The following MEP1A variants were observed in gnomAD, a reference collection of about 807,000 sequenced individuals.
MEP1A encodes meprin A subunit alpha.
In MEP1A, 68 loss-of-function variants were observed where a neutral mutation model predicts 84.5. The ratio of observed to expected loss-of-function variants is 0.80; its 90% CI spans 0.66 to 0.98. The LOEUF is 0.98. MEP1A is among the 50% of genes least tolerant of loss of function. The pLI, the probability that MEP1A is intolerant of heterozygous loss-of-function variation, is 0.00. For synonymous variants in MEP1A, 337 were observed against 336.8 expected, an observed-to-expected ratio of 1.00 and a Z score of -0.01; for missense variants, 887 against 919.9, an observed-to-expected ratio of 0.96 and a Z score of 0.46.
intron 10 of MEP1A, among the ~76,000 whole-genome samples, chr6:46,830,116 C>T (rs137962965): frequency 6.6e-6 from 1 of 151,594 alleles, no homozygotes; most frequent in African/African-American, 2.4e-5. Context: ...GGCATGGTGG[C>T]GCGCGCGCAT....
chr6:46,841,021 T>G (rs982788577), downstream of MEP1A, among the ~76,000 whole-genome samples: 5 of 152,224 alleles, frequency 3.3e-5, no homozygotes, highest in Admixed American at 2.6e-4. Context: ...ATTGTCCTTT[T>G]GTTTTATTAA....
Position 46,839,233 on chromosome 6 carries a change from A to T in MEP1A, c.*97A>T, listed in dbSNP as rs1248864452. The T allele has an allele frequency of 3.0e-5, 20 of 667,166 alleles. No individual in the cohort carries two copies. The highest frequency in any genetic ancestry group is 4.5e-5 in the Non-Finnish European group (19 of 425,488). The allele number at this position is 667,166 out of a possible 1,614,324, so 41.3% of individuals were successfully genotyped here. A position where few individuals can be genotyped will look rare whatever the true frequency, so the allele number is the denominator to read the frequency against. On this transcript the variant is annotated 3_prime_UTR_variant, in exon 14 of 14. Coordinates refer to ENST00000230588, the MANE Select transcript of MEP1A (RefSeq NM_005588.3). ...GCAGTTTTTATCAGCCTTGCTTTGGATAGGACCTCCAAGGACTAAGGCCTC... is the reference window on the plus strand; with the variant it reads ...GCAGTTTTTATCAGCCTTGCTTTGGTTAGGACCTCCAAGGACTAAGGCCTC...
intron 3 of MEP1A, among the ~76,000 whole-genome samples, chr6:46,795,672 T>G (rs1211561773): frequency 1.3e-5 from 2 of 152,180 alleles, no homozygotes. Flanking sequence ...GTCAGCCACC[T>G]CATGTCTGGG....
At chr6:46,798,549 T>C (rs1767118171) in intron 3 of MEP1A, 57 bp from the exon 4 acceptor site, 49 of 1,296,778 alleles carry the variant, frequency 3.8e-5, no homozygotes, top group Non-Finnish European at 5.5e-5. Context: ...TTACGAAAGA[T>C]GCCTTTTAAT....
chr6:46,811,168 T>C (rs746836777), intron 6 of MEP1A, among the ~76,000 whole-genome samples: 2 of 152,170 alleles, frequency 1.3e-5, no homozygotes, highest in Admixed American at 6.5e-5. Flanking sequence ...TAGTTTTCCT[T>C]GCAGTGGTCT....
intron 7 of MEP1A, among the ~76,000 whole-genome samples, chr6:46,822,211 G>T (rs537735227): frequency 6.6e-6 from 1 of 152,116 alleles, no homozygotes; most frequent in Non-Finnish European, 1.5e-5. Context: ...TTTAAGTATT[G>T]TATATGGCTG....
intron 5 of MEP1A, among the ~76,000 whole-genome samples, chr6:46,801,320 T>A (rs555450495): frequency 6.6e-6 from 1 of 152,108 alleles, no homozygotes; most frequent in African/African-American, 2.4e-5. Context: ...ATTTTAGTAG[T>A]TGTAAAATGG....
intron 6 of MEP1A, among the ~76,000 whole-genome samples, chr6:46,818,439 G>A (rs1218574279): frequency 6.6e-6 from 1 of 152,142 alleles, no homozygotes; most frequent in Non-Finnish European, 1.5e-5. Context: ...TTTCTGCTCA[G>A]CATTGGGTAA....
At chr6:46,795,120 C>A (rs1219277008) in intron 3 of MEP1A, among the ~76,000 whole-genome samples, 1 of 152,148 alleles carries the variant, frequency 6.6e-6, no homozygotes. Flanking sequence ...CGTTTCTTAT[C>A]CTCCATCCCA....
At chr6:46,796,613 G>T (rs115129375) in intron 3 of MEP1A, among the ~76,000 whole-genome samples, 389 of 152,282 alleles carry the variant, frequency 2.6e-3, no homozygotes, top group African/African-American at 8.7e-3. Flanking sequence ...CTAGAAAAAT[G>T]CTTAAGACAC....
chr6:46,838,167 A>G (rs1449697589), intron 13 of MEP1A, among the ~76,000 whole-genome samples: 1 of 151,726 alleles, frequency 6.6e-6, no homozygotes, highest in Non-Finnish European at 1.5e-5. Flanking sequence ...TGCTGGTATT[A>G]CAGGCGTATG....
At chr6:46,804,045 C>A (rs1157734989) in intron 5 of MEP1A, among the ~76,000 whole-genome samples, 2 of 151,564 alleles carry the variant, frequency 1.3e-5, no homozygotes, top group African/African-American at 2.4e-5. Context: ...AAACAGTTAT[C>A]TTTTAAAGTA....
At position 46,793,391 on chromosome 6, in the gene MEP1A, T is replaced by C. The variant is rs745329292; in HGVS notation, c.-8T>C. The stretch of plus-strand genomic sequence containing the variant: ...AAGGTGTGTGCTAAAATCAGCTCAC[T>C]TGCAGCAATGGCTTGGATTAGATCC... On this transcript the variant is annotated 5_prime_UTR_variant, in exon 1 of 14. Transcript: ENST00000230588. 2.5e-6 allele frequency: 4 copies of C among 1,576,744 alleles called. No homozygotes were observed. Among genetic ancestry groups the C allele is most frequent in the African/African-American group, 1.4e-5 (1 of 72,622 alleles).
intron 6 of MEP1A, among the ~76,000 whole-genome samples, chr6:46,817,185 G>A (rs77189178): frequency 0.011 from 1,615 of 152,268 alleles, 14 homozygotes; most frequent in Non-Finnish European, 0.017. Context: ...AAATTGGTTA[G>A]TGGGAGGAGG....
intron 3 of MEP1A, among the ~76,000 whole-genome samples, 172 bp from the exon 4 acceptor site, chr6:46,798,434 A>G (rs1431496265): frequency 1.3e-5 from 2 of 152,220 alleles, no homozygotes; most frequent in African/African-American, 4.8e-5. Flanking sequence ...TGTGATACTC[A>G]TCGGCCATTC....
rs1554188384 is a variant in MEP1A, at chr6:46,799,220, A to G, written c.262+39A>G. 1.9e-5 allele frequency: 26 copies of G among 1,347,898 alleles called. No homozygotes were observed. The South Asian group carries it at 2.9e-4, about 15-fold the overall frequency. The allele number at this position is 1,347,898 out of a possible 1,614,324, so 83.5% of individuals were successfully genotyped here. ...TTCTTAATTAGGAAGTTTCAGTTTAACTCTCTCTCTCCTCTCAGCCTGTCC... is the reference window on the plus strand; with the variant it reads ...TTCTTAATTAGGAAGTTTCAGTTTAGCTCTCTCTCTCCTCTCAGCCTGTCC... On this transcript the variant is annotated intron_variant, in intron 5 of 13. Transcript: ENST00000230588.
intron 10 of MEP1A, among the ~76,000 whole-genome samples, chr6:46,829,939 T>C (rs1460839815): frequency 6.6e-6 from 1 of 152,006 alleles, no homozygotes; most frequent in African/African-American, 2.4e-5. Flanking sequence ...CCTGTGCGAA[T>C]TGATGCTGCG....
rs1767855873 is a variant in MEP1A at position 46,824,519 on chromosome 6, A to T, written c.557-753A>T. On this transcript the variant is annotated intron_variant, in intron 7 of 13. Transcript: ENST00000230588. ...AATCTATTTAAATAAATCTATTTAAATATATATAAATTATCATCTATTTAA... is the reference window on the plus strand; with the variant it reads ...AATCTATTTAAATAAATCTATTTAATTATATATAAATTATCATCTATTTAA... Among the ~76,000 whole-genome samples the T allele has an allele frequency of 2.1e-5, 3 of 143,022 alleles. No homozygotes were observed. In the South Asian group the frequency reaches 6.4e-4, roughly 31 times the overall value. The allele number at this position is 143,022 out of a possible 152,430, so 93.8% of individuals were successfully genotyped here.
At chr6:46,799,632 T>C (rs1367919962) in intron 5 of MEP1A, among the ~76,000 whole-genome samples, 1 of 152,192 alleles carries the variant, frequency 6.6e-6, no homozygotes, top group African/African-American at 2.4e-5. Context: ...CAATCCTTTT[T>C]TCTTGGTGTT....
Sources: allele counts gnomAD v4.1 joint callset (sites outside exome capture counted in the v4.1 genomes callset), GRCh38; gene constraint gnomAD v4.1.1; transcripts MANE v1.5; gene names NCBI Gene and HGNC (gene_info 2026-07-23, HGNC 2026-07-21).